XIRP2: variants seen among roughly 807,000 people sequenced by gnomAD.
XIRP2 encodes the protein xin actin-binding repeat-containing protein 2.
In XIRP2, 236 loss-of-function variants were observed where a neutral mutation model predicts 277.0. That is an observed-to-expected ratio of 0.85 (90% CI 0.77 to 0.95). The LOEUF is 0.95. Ranked by LOEUF, XIRP2 falls within the 40% of genes least tolerant of loss-of-function variation. The pLI is 0.00. For synonymous variants in XIRP2, 1,490 were observed against 1,416.5 expected (o/e 1.05, Z -1.17); for missense variants, 4,640 against 4,157.5 (o/e 1.12, Z -3.19).
intron 2 of XIRP2, among the ~76,000 whole-genome samples, chr2:167,009,526 C>T (rs995822088): frequency 4.6e-5 from 7 of 151,910 alleles, no homozygotes; most frequent in Non-Finnish European, 1.0e-4. Flanking sequence ...AACAAACATG[C>T]GTGTGCATGT....
chr2:167,042,657 A>G (rs559984040), intron 2 of XIRP2, among the ~76,000 whole-genome samples: 1 of 152,356 alleles, frequency 6.6e-6, no homozygotes, highest in South Asian at 2.1e-4. Flanking sequence ...AAGAAGACTT[A>G]ACTGTCCTAA....
At chr2:166,901,210 C>T (rs995309599) in intron 1 of XIRP2, among the ~76,000 whole-genome samples, 2 of 152,058 alleles carry the variant, frequency 1.3e-5, no homozygotes, top group Non-Finnish European at 2.9e-5. Flanking sequence ...CCCTCTAGGA[C>T]TTTCTGAGTT....
intron 2 of XIRP2, among the ~76,000 whole-genome samples, chr2:166,950,783 G>C (rs188999113): frequency 6.6e-6 from 1 of 151,888 alleles, no homozygotes; most frequent in East Asian, 1.9e-4. Context: ...TGTTGTTATG[G>C]TGAAGCCAGT....
chr2:167,136,746 AAAT>A (rs1410686223), intron 3 of XIRP2, among the ~76,000 whole-genome samples: 2 of 152,194 alleles, frequency 1.3e-5, no homozygotes, highest in Non-Finnish European at 2.9e-5. Context: ...CTCTTTAGCC[AAAT>A]AATGTCTATT....
chr2:167,184,413 C>G, intron 3 of XIRP2: 1 of 622,116 alleles, frequency 1.6e-6, no homozygotes, highest in East Asian at 2.7e-5. Flanking sequence ...TCCTGCTATC[C>G]TGTGAAATTT....
chr2:167,212,524 G>A (rs1007487975), intron 4 of XIRP2, among the ~76,000 whole-genome samples: 1 of 151,190 alleles, frequency 6.6e-6, no homozygotes, highest in Non-Finnish European at 1.5e-5. Flanking sequence ...AAAAACTTTA[G>A]GGCTAATCTC....
In XIRP2 at chr2:167,201,190, GAAAGAA is replaced by G. The variant is rs1364508275; in HGVS notation, c.563-9543_563-9538del. 5.4e-4 allele frequency among the ~76,000 whole-genome samples: 6 copies of G among 11,072 alleles called. No individual in the cohort carries two copies. The East Asian group carries it at 6.4e-3, about 12-fold the overall frequency. 7.3% of individuals were successfully genotyped at this position (11,072 alleles called of 152,430 possible). On this transcript the variant is annotated intron_variant, in intron 3 of 10. Transcript: ENST00000409195. Reference sequence around the variant, plus strand: ...AGAGAGAGAAAGAAAGAGAGAGAGAGAAAGAAAGAAAGAAAGAAAGAAAGAAAGAAA... The same window carrying G: ...AGAGAGAGAAAGAAAGAGAGAGAGAGAGAAAGAAAGAAAGAAAGAAAGAAA...
intron 8 of XIRP2, 33 bp downstream of exon 8, chr2:167,241,943 A>C (rs928785814): frequency 1.2e-5 from 19 of 1,572,590 alleles, no homozygotes; most frequent in African/African-American, 8.2e-5. Flanking sequence ...AAACATACTA[A>C]GTGTAAGACC....
In XIRP2 at chr2:167,246,117, TG is replaced by T. The variant is rs770334955; in HGVS notation, c.4726del (p.Glu1576LysfsTer2). 1 of 1,613,528 alleles carries T rather than the reference TG, an allele frequency of 6.2e-7. No homozygotes were observed. Among genetic ancestry groups the T allele is most frequent in the Non-Finnish European group, 8.5e-7 (1 of 1,179,754 alleles). On this transcript the variant is annotated frameshift_variant, in exon 9 of 11. Transcript: ENST00000409195. LOFTEE classifies it high-confidence loss of function. ...QAPGIIIEAD[E>X]IGDVRMAKYK... The stretch of plus-strand genomic sequence containing the variant: ...CTCCTGGAATCATCATTGAAGCTGA[TG>T]AAATAGGGGATGTTCGAATGGCAAA...
At chr2:166,971,782 A>C (rs937252120) in intron 2 of XIRP2, among the ~76,000 whole-genome samples, 1 of 152,134 alleles carries the variant, frequency 6.6e-6, no homozygotes, top group Admixed American at 6.6e-5. Context: ...TTAATTATTC[A>C]TATCTGAGGT....
chr2:166,943,597 C>T (rs999026250), intron 2 of XIRP2, among the ~76,000 whole-genome samples: 3 of 152,202 alleles, frequency 2.0e-5, no homozygotes, highest in African/African-American at 7.2e-5. Context: ...TCCACCTCTG[C>T]AGAGGGGCAT....
intron 2 of XIRP2, among the ~76,000 whole-genome samples, chr2:167,024,845 A>G (rs1403909476): frequency 1.3e-5 from 2 of 152,106 alleles, no homozygotes; most frequent in Admixed American, 1.3e-4. Flanking sequence ...GTGCTGCTGG[A>G]TTTGGTTTGC....
intron 2 of XIRP2, among the ~76,000 whole-genome samples, chr2:167,062,893 A>G (rs139690779): frequency 1.3e-5 from 2 of 151,656 alleles, no homozygotes; most frequent in East Asian, 3.9e-4. Flanking sequence ...CAAAAAACCA[A>G]CTTTTGGGTT....
chr2:167,111,740 A>G (rs73015931), intron 2 of XIRP2, among the ~76,000 whole-genome samples: 14,670 of 152,140 alleles, frequency 0.096, 1,367 homozygotes, highest in African/African-American at 0.24. Flanking sequence ...TTTCAGCAGG[A>G]ATGGTGCCAG....
chr2:167,167,609 G>A (rs1032911399), intron 3 of XIRP2, among the ~76,000 whole-genome samples: 2 of 152,032 alleles, frequency 1.3e-5, no homozygotes, highest in Non-Finnish European at 2.9e-5. Flanking sequence ...GGTAGTGCAA[G>A]TACCTTATAA....
intron 2 of XIRP2, among the ~76,000 whole-genome samples, chr2:166,981,075 G>GTTATAT (rs1686855228): frequency 1.3e-5 from 2 of 152,106 alleles, no homozygotes; most frequent in South Asian, 4.2e-4. Context: ...TGCAGTATAT[G>GTTATAT]TTATATTTAT....
At chr2:166,995,021 A>G (rs1042532138) in intron 2 of XIRP2, among the ~76,000 whole-genome samples, 8 of 151,884 alleles carry the variant, frequency 5.3e-5, no homozygotes, top group African/African-American at 1.9e-4. Flanking sequence ...AGCTGGGACT[A>G]CAGGTGCGCA....
At chr2:166,937,337 T>A (rs1289643202) in intron 2 of XIRP2, among the ~76,000 whole-genome samples, 1 of 152,216 alleles carries the variant, frequency 6.6e-6, no homozygotes, top group African/African-American at 2.4e-5. Context: ...CTGCATCTAT[T>A]GAGATAATCA....
chr2:167,056,394 C>T (rs942763767), intron 2 of XIRP2, among the ~76,000 whole-genome samples: 5 of 152,238 alleles, frequency 3.3e-5, no homozygotes, highest in South Asian at 2.1e-4. Flanking sequence ...TATAGAAAGT[C>T]TCCACATACA....
Sources: gnomAD v4.1 joint callset for allele counts (sites outside exome capture counted in the v4.1 genomes callset) on GRCh38, gnomAD v4.1.1 for gene constraint, MANE v1.5 for transcripts, NCBI Gene and HGNC (gene_info 2026-07-23, HGNC 2026-07-21) for gene names.